MTHFD2L: variants seen among roughly 807,000 people sequenced by gnomAD.
MTHFD2L encodes bifunctional methylenetetrahydrofolate dehydrogenase/cyclohydrolase 2, mitochondrial.
Under a neutral mutation model 34.9 loss-of-function variants are expected in MTHFD2L, and 29 were observed. That is an observed-to-expected ratio of 0.83 (90% CI 0.62 to 1.13). The LOEUF is 1.13. MTHFD2L is among the 50% of genes most tolerant of loss of function. The probability of loss-of-function intolerance (pLI) is 0.00; values close to 1 mark genes in which losing one functional copy is unlikely to be tolerated. For synonymous variants in MTHFD2L, 167 were observed against 155.7 expected, an observed-to-expected ratio of 1.07 and a Z score of -0.54; for missense variants, 481 against 446.5, an observed-to-expected ratio of 1.08 and a Z score of -0.70.
chr4:74,222,752 A>C (rs1470873506), intron 5 of MTHFD2L, among the ~76,000 whole-genome samples: 1 of 152,096 alleles, frequency 6.6e-6, no homozygotes, highest in Non-Finnish European at 1.5e-5. Flanking sequence ...TTATGGGAAC[A>C]ATATTTCCTG....
chr4:74,162,477 A>G (rs1274515967), intron 1 of MTHFD2L, among the ~76,000 whole-genome samples: 1 of 148,658 alleles, frequency 6.7e-6, no homozygotes, highest in Middle Eastern at 3.5e-3. Context: ...GGGTGTGTGT[A>G]TAGTTTACAA....
chr4:74,246,750 G>T (rs990284880), intron 6 of MTHFD2L, among the ~76,000 whole-genome samples: 2 of 152,084 alleles, frequency 1.3e-5, no homozygotes, highest in African/African-American at 2.4e-5. Flanking sequence ...TTTCCCCATT[G>T]CTTGTTTTTC....
At chr4:74,227,581 T>A (rs1739363080) in intron 6 of MTHFD2L, among the ~76,000 whole-genome samples, 1 of 151,762 alleles carries the variant, frequency 6.6e-6, no homozygotes, top group Admixed American at 6.6e-5. Context: ...AGAACACAGG[T>A]CTTTGACGGC....
chr4:74,261,852 C>G (rs1297455135), intron 6 of MTHFD2L, among the ~76,000 whole-genome samples: 3 of 152,026 alleles, frequency 2.0e-5, no homozygotes, highest in Non-Finnish European at 2.9e-5. Context: ...TCCTCAGTTT[C>G]CTTACCTCCG....
chr4:74,288,464 T>A (rs1267713894), intron 7 of MTHFD2L: 1 of 152,236 alleles, frequency 6.6e-6, no homozygotes, highest in Non-Finnish European at 1.5e-5. Flanking sequence ...GGCTACACTT[T>A]GGTAAATAAT....
chr4:74,217,877 TA>T (rs991363944), intron 5 of MTHFD2L, among the ~76,000 whole-genome samples: 4 of 152,108 alleles, frequency 2.6e-5, no homozygotes, highest in African/African-American at 9.7e-5. Context: ...AAAGCATATT[TA>T]AAGGGGAATT....
intron 3 of MTHFD2L, among the ~76,000 whole-genome samples, chr4:74,184,870 C>T (rs988597348): frequency 6.6e-6 from 1 of 152,076 alleles, no homozygotes; most frequent in Non-Finnish European, 1.5e-5. Context: ...TTCTGGAAGG[C>T]TGTGCACAGT....
At chr4:74,181,867 G>A (rs1488580928) in intron 3 of MTHFD2L, 2 of 151,996 alleles carry the variant, frequency 1.3e-5, no homozygotes, top group African/African-American at 2.4e-5. Flanking sequence ...ATAAAAAGGT[G>A]GATATCGACC....
chr4:74,300,437 A>T (rs1013028185), intron 7 of MTHFD2L, among the ~76,000 whole-genome samples: 2 of 152,072 alleles, frequency 1.3e-5, no homozygotes, highest in African/African-American at 2.4e-5. Flanking sequence ...AATACTAAAG[A>T]TATAGACAAC....
intron 3 of MTHFD2L, among the ~76,000 whole-genome samples, chr4:74,181,300 T>A (rs1730118151): frequency 6.6e-6 from 1 of 152,186 alleles, no homozygotes; most frequent in South Asian, 2.1e-4. Flanking sequence ...TGACAGCTGT[T>A]ACAAGTGTCA....
At chr4:74,290,552 A>G (rs1748753503) in intron 7 of MTHFD2L, among the ~76,000 whole-genome samples, 1 of 152,148 alleles carries the variant, frequency 6.6e-6, no homozygotes, top group South Asian at 2.1e-4. Context: ...TCCATCTTAT[A>G]AAGTTGTTGT....
At chr4:74,167,595 GT>G (rs1440587872) in intron 1 of MTHFD2L, among the ~76,000 whole-genome samples, 1 of 152,200 alleles carries the variant, frequency 6.6e-6, no homozygotes, top group Non-Finnish European at 1.5e-5. Context: ...TCACAAGAGT[GT>G]TTTATAAGCT....
intron 5 of MTHFD2L, among the ~76,000 whole-genome samples, chr4:74,209,904 G>T (rs1170974455): frequency 6.6e-6 from 1 of 152,146 alleles, no homozygotes; most frequent in Non-Finnish European, 1.5e-5. Flanking sequence ...GCATGAGATT[G>T]GTATCTCATT....
In MTHFD2L at chr4:74,175,408, A is replaced by T. The variant is rs182342168; in HGVS notation, c.451+5A>T. The T allele has an allele frequency of 2.5e-6, 4 of 1,603,822 alleles. No homozygotes were observed. Among genetic ancestry groups the T allele is most frequent in the East Asian group, 2.2e-5 (1 of 44,766 alleles). On this transcript the variant is annotated splice_donor_5th_base_variant and intron_variant, in intron 3 of 7. Transcript: ENST00000325278. ...TAGTTCAGTTACCACTACCAGGTAC[A>T]TAATGCTCCTCTTATTTATCTGATT...
intron 1 of MTHFD2L, among the ~76,000 whole-genome samples, chr4:74,146,938 A>T (rs527540562): frequency 6.6e-6 from 1 of 152,090 alleles, no homozygotes; most frequent in East Asian, 1.9e-4. Context: ...GAGAACTTCT[A>T]ATGAATTCTT....
At chr4:74,161,180 T>C (rs1333088380) in intron 1 of MTHFD2L, 1 of 152,236 alleles carries the variant, frequency 6.6e-6, no homozygotes, top group Non-Finnish European at 1.5e-5. Context: ...TAAAAAAATC[T>C]ACATTTTTGG....
At chr4:74,127,056 G>A (rs912486048) in intron 1 of MTHFD2L, among the ~76,000 whole-genome samples, 6 of 152,188 alleles carry the variant, frequency 3.9e-5, no homozygotes, top group Middle Eastern at 3.4e-3. Flanking sequence ...CTGTCCTGCC[G>A]CTCCGTGAAG....
At chr4:74,300,496 A>G (rs1750165047) in intron 7 of MTHFD2L, among the ~76,000 whole-genome samples, 1 of 152,066 alleles carries the variant, frequency 6.6e-6, no homozygotes, top group Non-Finnish European at 1.5e-5. Flanking sequence ...TAATTGTAAA[A>G]GGCAATACAT....
chr4:74,301,449 T>G (rs1750305669), intron 7 of MTHFD2L, among the ~76,000 whole-genome samples: 3 of 151,928 alleles, frequency 2.0e-5, no homozygotes, highest in African/African-American at 7.2e-5. Flanking sequence ...TGCATGGAGC[T>G]TGAACCTAGG....
Sources: gnomAD v4.1 joint callset for allele counts (sites outside exome capture counted in the v4.1 genomes callset) on GRCh38, gnomAD v4.1.1 for gene constraint, MANE v1.5 for transcripts, NCBI Gene and HGNC (gene_info 2026-07-23, HGNC 2026-07-21) for gene names.